Variants in RSRC1 observed in about 807,000 individuals in gnomAD.
RSRC1 encodes the protein serine/Arginine-related protein 53.
Under a neutral mutation model 49.1 loss-of-function variants are expected in RSRC1, and 39 were observed. That is an observed-to-expected ratio of 0.79 (90% CI 0.61 to 1.04). The LOEUF (loss-of-function observed/expected upper bound fraction) is 1.04, where lower values mean the gene tolerates loss of function less well. Ranked by LOEUF, RSRC1 falls within the 50% of genes least tolerant of loss-of-function variation. The pLI, the probability that RSRC1 is intolerant of heterozygous loss-of-function variation, is 0.00. For missense variants in RSRC1, 388 were observed against 402.4 expected (o/e 0.96, Z 0.31); for synonymous variants, 143 against 130.8 (o/e 1.09, Z -0.63).
chr3:158,339,119 C>T (rs971268797), intron 5 of RSRC1, among the ~76,000 whole-genome samples: 10 of 151,494 alleles, frequency 6.6e-5, no homozygotes, highest in Admixed American at 1.3e-4. Flanking sequence ...GGTGAAACCC[C>T]GTCTCTACTA....
At chr3:158,291,539 A>G (rs1195723533) in intron 4 of RSRC1, among the ~76,000 whole-genome samples, 1 of 152,160 alleles carries the variant, frequency 6.6e-6, no homozygotes, top group Non-Finnish European at 1.5e-5. Flanking sequence ...GTAAATCCAT[A>G]ATAGATTTTG....
intron 3 of RSRC1, among the ~76,000 whole-genome samples, chr3:158,179,527 C>T (rs939799703): frequency 2.0e-5 from 3 of 152,290 alleles, no homozygotes; most frequent in East Asian, 1.9e-4. Context: ...GCTTTTTTCA[C>T]TCACCATAAC....
At chr3:158,355,025 T>G (rs1731085580) in intron 6 of RSRC1, 117 bp downstream of exon 6, 2 of 635,752 alleles carry the variant, frequency 3.1e-6, no homozygotes, top group African/African-American at 1.9e-5. Flanking sequence ...CCTCACAAAT[T>G]TATCAGATCT....
intron 5 of RSRC1, among the ~76,000 whole-genome samples, chr3:158,300,641 A>G (rs148301147): frequency 1.3e-5 from 2 of 152,290 alleles, no homozygotes; most frequent in African/African-American, 4.8e-5. Context: ...TTAGAAGTAT[A>G]TTTTTAAATA....
intron 3 of RSRC1, among the ~76,000 whole-genome samples, chr3:158,145,601 A>T (rs1476918921): frequency 6.6e-6 from 1 of 152,106 alleles, no homozygotes; most frequent in African/African-American, 2.4e-5. Context: ...CTTAGGATTG[A>T]CTTGGCAATG....
chr3:158,269,376 T>A (rs1307018829), intron 4 of RSRC1, among the ~76,000 whole-genome samples: 1 of 152,218 alleles, frequency 6.6e-6, no homozygotes, highest in Non-Finnish European at 1.5e-5. Context: ...TTCTTGAAGT[T>A]TTATCATATT....
At chr3:158,489,760 A>G (rs1738987851) in intron 7 of RSRC1, among the ~76,000 whole-genome samples, 2 of 152,170 alleles carry the variant, frequency 1.3e-5, no homozygotes, top group Admixed American at 1.3e-4. Flanking sequence ...CTGTAATTGA[A>G]TACATTGTTG....
intron 6 of RSRC1, among the ~76,000 whole-genome samples, chr3:158,420,178 A>G (rs765268649): frequency 6.6e-6 from 1 of 151,994 alleles, no homozygotes; most frequent in Admixed American, 6.6e-5. Context: ...ACCTCAACAA[A>G]TGTTATCTCC....
intron 6 of RSRC1, among the ~76,000 whole-genome samples, chr3:158,369,991 C>T (rs1731978141): frequency 2.0e-5 from 3 of 151,714 alleles, no homozygotes; most frequent in African/African-American, 7.3e-5. Context: ...AAATAATATA[C>T]ATGGTGAATT....
At chr3:158,165,752 T>C (rs145052589) in intron 3 of RSRC1, among the ~76,000 whole-genome samples, 102 of 152,364 alleles carry the variant, frequency 6.7e-4, no homozygotes, top group African/African-American at 2.2e-3. Flanking sequence ...TCTCTTCTTA[T>C]TCCATATTTG....
In RSRC1 at chr3:158,197,517, G is replaced by C. The variant is rs191004050; in HGVS notation, c.321-5555G>C. On this transcript the variant is annotated intron_variant, in intron 3 of 9. Coordinates refer to ENST00000611884, the MANE Select transcript of RSRC1 (RefSeq NM_001271838.2). ...CTATCTCCTTCAGTTCTGCTCTGAT[G>C]TTAGTTATTTCTTGCCTTCTGCTAG... is the stretch of plus-strand genomic sequence containing the variant. Among the ~76,000 whole-genome samples, 349 of 152,086 alleles carry C rather than the reference G, an allele frequency of 2.3e-3. 1 individual carries two copies. The highest frequency in any genetic ancestry group is 8.1e-3 in the African/African-American group (334 of 41,490).
At chr3:158,541,285 A>G (rs1041985674) in intron 8 of RSRC1, among the ~76,000 whole-genome samples, 2 of 152,112 alleles carry the variant, frequency 1.3e-5, no homozygotes, top group African/African-American at 2.4e-5. Context: ...CACCCAATCT[A>G]AAGTAGATGT....
intron 5 of RSRC1, among the ~76,000 whole-genome samples, chr3:158,331,719 C>T (rs1559997038): frequency 6.6e-6 from 1 of 151,212 alleles, no homozygotes; most frequent in Non-Finnish European, 1.5e-5. Context: ...ATTCATTTTC[C>T]TTATTGGAAT....
At chr3:158,516,324 C>A (rs1740531381) in intron 7 of RSRC1, among the ~76,000 whole-genome samples, 1 of 151,620 alleles carries the variant, frequency 6.6e-6, no homozygotes, top group South Asian at 2.1e-4. Flanking sequence ...CAGACAGGAC[C>A]CTCAGCTGCA....
chr3:158,133,888 T>TTC (rs1716192800), intron 3 of RSRC1, among the ~76,000 whole-genome samples: 1 of 152,220 alleles, frequency 6.6e-6, no homozygotes, highest in African/African-American at 2.4e-5. Flanking sequence ...TTCTGGGTGC[T>TTC]ATTTGTCAAT....
At chr3:158,143,617 G>A (rs1371877079) in intron 3 of RSRC1, among the ~76,000 whole-genome samples, 1 of 152,120 alleles carries the variant, frequency 6.6e-6, no homozygotes, top group East Asian at 1.9e-4. Context: ...TTAGGCAATA[G>A]TGATTGTTAT....
chr3:158,510,011 G>A (rs1254979818), intron 7 of RSRC1, among the ~76,000 whole-genome samples: 1 of 152,130 alleles, frequency 6.6e-6, no homozygotes, highest in Non-Finnish European at 1.5e-5. Flanking sequence ...GTGCCACATT[G>A]TTTCCAAAGT....
intron 4 of RSRC1, among the ~76,000 whole-genome samples, chr3:158,296,990 G>C (rs1319868668): frequency 6.6e-6 from 1 of 151,880 alleles, no homozygotes; most frequent in Non-Finnish European, 1.5e-5. Flanking sequence ...CTTTGGCAAA[G>C]AAAAAATAGA....
At chr3:158,321,101 T>A (rs1463542014) in intron 5 of RSRC1, among the ~76,000 whole-genome samples, 1 of 152,074 alleles carries the variant, frequency 6.6e-6, no homozygotes, top group African/African-American at 2.4e-5. Context: ...ATTAAAAACA[T>A]CTTTAGTATC....
Sources: gnomAD v4.1 joint callset for allele counts (sites outside exome capture counted in the v4.1 genomes callset) on GRCh38, gnomAD v4.1.1 for gene constraint, MANE v1.5 for transcripts, NCBI Gene and HGNC (gene_info 2026-07-23, HGNC 2026-07-21) for gene names.